The following SCHIP1 variants were observed in gnomAD, a reference collection of about 807,000 sequenced individuals.
SCHIP1 encodes schwannomin interacting protein 1.
SCHIP1 carries 8 observed loss-of-function variants against 29.7 expected under a neutral mutation model. The ratio of observed to expected loss-of-function variants is 0.27; its 90% CI spans 0.16 to 0.49. The LOEUF (loss-of-function observed/expected upper bound fraction) is 0.49, where lower values mean the gene tolerates loss of function less well. Ranked by LOEUF, SCHIP1 falls within the 20% of genes least tolerant of loss-of-function variation. The pLI, the probability that SCHIP1 is intolerant of heterozygous loss-of-function variation, is 0.99. For missense variants in SCHIP1, 193 were observed against 294.6 expected (o/e 0.66, Z 2.52); for synonymous variants, 76 against 94.9 (o/e 0.80, Z 1.16).
the SCHIP1 span, among the ~76,000 whole-genome samples, chr3:159,672,152 A>G: frequency 6.6e-6 from 1 of 152,228 alleles, no homozygotes; most frequent in East Asian, 1.9e-4. Context: ...CTGCAGTGGC[A>G]AAATTTTCTT....
At chr3:159,763,226 G>C in the SCHIP1 span, among the ~76,000 whole-genome samples, 1 of 151,712 alleles carries the variant, frequency 6.6e-6, no homozygotes, top group Non-Finnish European at 1.5e-5. Flanking sequence ...AGGTGGAAGG[G>C]AAATGATGGT....
At chr3:159,539,365 A>G in the SCHIP1 span, among the ~76,000 whole-genome samples, 11 of 137,118 alleles carry the variant, frequency 8.0e-5, 3 homozygotes, top group East Asian at 2.2e-3. Flanking sequence ...TCTGAAAAAC[A>G]AGGAAAAAAG....
the SCHIP1 span, among the ~76,000 whole-genome samples, chr3:159,439,725 G>A: frequency 1.5e-4 from 23 of 152,054 alleles, no homozygotes; most frequent in Admixed American, 1.3e-3. Flanking sequence ...ACTTTTTAAT[G>A]GAGTTGTTTT....
At chr3:159,813,193 C>T in the SCHIP1 span, among the ~76,000 whole-genome samples, 5 of 152,196 alleles carry the variant, frequency 3.3e-5, no homozygotes, top group South Asian at 1.0e-3. Context: ...ATTTTGTACT[C>T]ACTATTGTGA....
the SCHIP1 span, among the ~76,000 whole-genome samples, chr3:159,742,354 C>A: frequency 6.6e-6 from 1 of 152,194 alleles, no homozygotes; most frequent in East Asian, 1.9e-4. Context: ...CCAGTGGTAT[C>A]CCCTGGGGAT....
At chr3:159,361,349 A>G in the SCHIP1 span, among the ~76,000 whole-genome samples, 2 of 152,174 alleles carry the variant, frequency 1.3e-5, no homozygotes, top group African/African-American at 4.8e-5. Flanking sequence ...TCCCATGTAG[A>G]GGACACAGAC....
At chr3:159,407,956 C>T in the SCHIP1 span, among the ~76,000 whole-genome samples, 14 of 152,056 alleles carry the variant, frequency 9.2e-5, no homozygotes, top group African/African-American at 1.7e-4. Flanking sequence ...AACAACTTAA[C>T]GATGCATCAA....
the SCHIP1 span, among the ~76,000 whole-genome samples, chr3:159,400,035 A>G: frequency 6.6e-6 from 1 of 152,224 alleles, no homozygotes; most frequent in Admixed American, 6.5e-5. Context: ...ATGCTTATCA[A>G]GCTTCCACTA....
At chr3:159,469,466 C>A in the SCHIP1 span, among the ~76,000 whole-genome samples, 1 of 152,084 alleles carries the variant, frequency 6.6e-6, no homozygotes, top group Non-Finnish European at 1.5e-5. Context: ...CAATAATACT[C>A]TCCTGAGAAG....
chr3:159,868,590 G>T (rs1714908129), intron 2 of SCHIP1, among the ~76,000 whole-genome samples: 1 of 152,054 alleles, frequency 6.6e-6, no homozygotes, highest in Non-Finnish European at 1.5e-5. Flanking sequence ...ATGGTTACTT[G>T]AGAAATTTTA....
At chr3:159,569,990 T>A in the SCHIP1 span, among the ~76,000 whole-genome samples, 2 of 152,220 alleles carry the variant, frequency 1.3e-5, no homozygotes, top group African/African-American at 4.8e-5. Flanking sequence ...TCTGTTCATA[T>A]CCTTCGCCGA....
the SCHIP1 span, among the ~76,000 whole-genome samples, chr3:159,682,080 G>T: frequency 6.6e-6 from 1 of 152,150 alleles, no homozygotes; most frequent in Admixed American, 6.5e-5. Context: ...GGATGATAAG[G>T]GAGAAGCCCT....
At chr3:159,431,329 A>G in the SCHIP1 span, among the ~76,000 whole-genome samples, 1 of 151,906 alleles carries the variant, frequency 6.6e-6, no homozygotes, top group Admixed American at 6.6e-5. Context: ...GGAAGTAGCT[A>G]TGAGGGAGTA....
At chr3:159,798,439 TATC>T in the SCHIP1 span, among the ~76,000 whole-genome samples, 6 of 152,156 alleles carry the variant, frequency 3.9e-5, no homozygotes, top group Non-Finnish European at 7.4e-5. Flanking sequence ...TCTTCTTCAT[TATC>T]ATGATTTACT....
At chr3:159,414,727 A>G in the SCHIP1 span, among the ~76,000 whole-genome samples, 1 of 152,138 alleles carries the variant, frequency 6.6e-6, no homozygotes, top group African/African-American at 2.4e-5. Context: ...ATGGAAGACA[A>G]TGGAATGGTA....
the SCHIP1 span, among the ~76,000 whole-genome samples, chr3:159,747,952 C>G: frequency 6.6e-6 from 1 of 152,186 alleles, no homozygotes; most frequent in Non-Finnish European, 1.5e-5. Context: ...TTGTCTGAAA[C>G]TATCAAGTAG....
At chr3:159,764,468 T>G in the SCHIP1 span, 1 of 1,594,880 alleles carries the variant, frequency 6.3e-7, no homozygotes, top group Non-Finnish European at 8.5e-7. The surrounding 1 kb of genome is among the most constrained non-coding windows in gnomAD (Gnocchi z 6.1). Flanking sequence ...GGGATGGATC[T>G]AGGCAGTGAC....
At chr3:159,788,244 T>G in the SCHIP1 span, among the ~76,000 whole-genome samples, 1 of 152,078 alleles carries the variant, frequency 6.6e-6, no homozygotes, top group Non-Finnish European at 1.5e-5. Context: ...GACACTAAAA[T>G]AGATGATATT....
At chr3:159,744,492 T>C in the SCHIP1 span, among the ~76,000 whole-genome samples, 1 of 152,226 alleles carries the variant, frequency 6.6e-6, no homozygotes, top group African/African-American at 2.4e-5. Context: ...GCACTAGAAC[T>C]TATCTATAAA....
Sources: allele counts gnomAD v4.1 joint callset (sites outside exome capture counted in the v4.1 genomes callset), GRCh38; gene constraint gnomAD v4.1.1; non-coding constraint Gnocchi (gnomAD v3.1); transcripts MANE v1.5; gene names NCBI Gene and HGNC (gene_info 2026-07-23, HGNC 2026-07-21).